Variants in HAVCR2 observed in about 807,000 individuals in gnomAD.
HAVCR2 encodes T cell immunoglobulin mucin 3.
In HAVCR2, 13 loss-of-function variants were observed where a neutral mutation model predicts 24.7. The observed-to-expected ratio is 0.53, with a 90% CI of 0.34 to 0.84. The LOEUF is 0.84. HAVCR2 is among the 40% of genes least tolerant of loss of function. The pLI, the probability that HAVCR2 is intolerant of heterozygous loss-of-function variation, is 0.01. For missense variants in HAVCR2, 343 were observed against 371.2 expected (o/e 0.92, Z 0.62); for synonymous variants, 154 against 143.4 (o/e 1.07, Z -0.53).
intron 3 of HAVCR2, among the ~76,000 whole-genome samples, chr5:157,101,805 G>A (rs1012957577): frequency 1.4e-5 from 2 of 143,288 alleles, no homozygotes; most frequent in East Asian, 2.0e-4. Context: ...AAAGGGTCTC[G>A]CTCTGTTGCC....
At chr5:157,091,213 G>A (rs1481918056) in intron 5 of HAVCR2, among the ~76,000 whole-genome samples, 1 of 152,234 alleles carries the variant, frequency 6.6e-6, no homozygotes, top group South Asian at 2.1e-4. Context: ...GGGAGGCCAA[G>A]GCGGGCAGAT....
chr5:157,108,687 CT>C (rs898728781), intron 1 of HAVCR2, among the ~76,000 whole-genome samples: 6 of 152,286 alleles, frequency 3.9e-5, no homozygotes, highest in East Asian at 1.9e-4. Flanking sequence ...TATTCTGCAA[CT>C]TTTTTTCTTT....
intron 3 of HAVCR2, among the ~76,000 whole-genome samples, chr5:157,104,441 C>A (rs557076271): frequency 2.0e-4 from 30 of 152,266 alleles, no homozygotes; most frequent in African/African-American, 7.0e-4. Flanking sequence ...AGTTTATTAA[C>A]TTTTTTCCAG....
chr5:157,106,539 G>C lies in HAVCR2; in HGVS notation c.394+88C>G. On this transcript the variant is annotated intron_variant, in intron 2 of 6. Transcript: ENST00000307851. ...GGCCCTCCTCCAGGGCTATAATTAG[G>C]GAAGTCAGAGATGAGAACAATCAGT... 2.7e-6 allele frequency: 3 copies of C among 1,128,382 alleles called. No individual in the cohort carries two copies. The South Asian group carries it at 4.3e-5, about 16-fold the overall frequency. The allele number at this position is 1,128,382 out of a possible 1,614,324, so 69.9% of individuals were successfully genotyped here. A position where few individuals can be genotyped will look rare whatever the true frequency, so the allele number is the denominator to read the frequency against.
chr5:157,090,005 T>C (rs537840940), intron 5 of HAVCR2, among the ~76,000 whole-genome samples: 1 of 152,208 alleles, frequency 6.6e-6, no homozygotes, highest in African/African-American at 2.4e-5. Flanking sequence ...TTCTGTGTTG[T>C]GGGTCAGGAA....
At chr5:157,095,780 A>G (rs1388982396) in intron 4 of HAVCR2, among the ~76,000 whole-genome samples, 2 of 151,620 alleles carry the variant, frequency 1.3e-5, no homozygotes, top group South Asian at 2.1e-4. Flanking sequence ...TTGGCTTTAG[A>G]GTGGAGTCTT....
chr5:157,098,508 A>G (rs1048249600), intron 4 of HAVCR2, among the ~76,000 whole-genome samples: 6 of 152,206 alleles, frequency 3.9e-5, no homozygotes, highest in Non-Finnish European at 7.3e-5. Flanking sequence ...TAGGATTGCA[A>G]TGGAAGCAAG....
intron 5 of HAVCR2, among the ~76,000 whole-genome samples, chr5:157,089,664 G>A (rs879690789): frequency 3.3e-5 from 5 of 152,156 alleles, no homozygotes; most frequent in Admixed American, 3.3e-4. Context: ...GTCAGGGAAG[G>A]ACCCTCAGAG....
rs765451458 is a variant in HAVCR2 at position 157,095,436 on chromosome 5, C to G, written c.546G>C (p.Glu182Asp). 1 of 1,613,956 alleles carries G rather than the reference C, an allele frequency of 6.2e-7. No individual in the cohort carries two copies. Among genetic ancestry groups the G allele is most frequent in the Non-Finnish European group, 8.5e-7 (1 of 1,179,882 alleles). The change falls in exon 5 of 7, where the codon GAG (glutamate) becomes GAC (aspartate). Residue 182 changes from glutamate to aspartate, a missense_variant. Coordinates refer to ENST00000307851, the MANE Select transcript of HAVCR2 (RefSeq NM_032782.5). ...CATTGGCCAATCTAGAGTCCCGTAA[C>G]TCATTGGCCAATGTGGATATTTGCT... is the stretch of plus-strand genomic sequence containing the variant. ...NLTQISTLAN[E>D]LRDSRLANDL... is the part of the protein sequence containing the mutation.
chr5:157,102,266 GT>G, intron 3 of HAVCR2, among the ~76,000 whole-genome samples: 1 of 151,800 alleles, frequency 6.6e-6, no homozygotes, highest in East Asian at 1.9e-4. Context: ...TAGAGATGGG[GT>G]TTTGCCATGT....
At chr5:157,107,829 T>TA (rs1757273524) in intron 1 of HAVCR2, among the ~76,000 whole-genome samples, 1 of 151,370 alleles carries the variant, frequency 6.6e-6, no homozygotes, top group South Asian at 2.1e-4. Context: ...TTATCTAATG[T>TA]AAAATGCAGA....
intron 3 of HAVCR2, among the ~76,000 whole-genome samples, chr5:157,102,911 G>A (rs1235051713): frequency 1.4e-5 from 2 of 141,530 alleles, no homozygotes; most frequent in East Asian, 4.4e-4. Flanking sequence ...CTCCAGCCTG[G>A]GTGAGAGAGT....
chr5:157,092,533 G>A (rs1380719817), intron 5 of HAVCR2, among the ~76,000 whole-genome samples: 1 of 151,758 alleles, frequency 6.6e-6, no homozygotes, highest in Admixed American at 6.6e-5. Context: ...TGCAACCTCC[G>A]CCTCCTGGGC....
At chr5:157,092,272 G>T (rs1391272610) in intron 5 of HAVCR2, among the ~76,000 whole-genome samples, 1 of 151,500 alleles carries the variant, frequency 6.6e-6, no homozygotes, top group East Asian at 1.9e-4. Flanking sequence ...TGTTATCAGT[G>T]CTCCTTAACA....
intron 3 of HAVCR2, among the ~76,000 whole-genome samples, chr5:157,099,834 T>C (rs1474855746): frequency 1.3e-5 from 2 of 152,204 alleles, no homozygotes; most frequent in African/African-American, 4.8e-5. Flanking sequence ...TAGCTGGGAC[T>C]ACAGGGGCAC....
intron 4 of HAVCR2, among the ~76,000 whole-genome samples, chr5:157,095,951 C>T (rs187153020): frequency 2.0e-5 from 3 of 152,088 alleles, no homozygotes; most frequent in Non-Finnish European, 4.4e-5. Flanking sequence ...TGAGGCCGGG[C>T]GCGGTGGCTA....
At chr5:157,091,125 A>G (rs1262445502) in intron 5 of HAVCR2, among the ~76,000 whole-genome samples, 1 of 152,220 alleles carries the variant, frequency 6.6e-6, no homozygotes, top group Non-Finnish European at 1.5e-5. Context: ...ATGAGTGATC[A>G]ATTTAAAAGG....
intron 1 of HAVCR2, among the ~76,000 whole-genome samples, 185 bp downstream of exon 1, chr5:157,108,741 G>C (rs905290736): frequency 6.6e-6 from 1 of 151,974 alleles, no homozygotes; most frequent in African/African-American, 2.4e-5. Context: ...AGTATGTTTT[G>C]TCAGACTCAC....
At position 157,103,365 on chromosome 5, in the gene HAVCR2, C is replaced by T. The variant is rs199793017; in HGVS notation, c.478+1301G>A. Among the ~76,000 whole-genome samples, 10 of 95,712 alleles carry T rather than the reference C, an allele frequency of 1.0e-4. No homozygotes were observed. In the East Asian group the frequency reaches 2.7e-3, roughly 26 times the overall value. 62.8% of individuals were successfully genotyped at this position (95,712 alleles called of 152,430 possible). A position where few individuals can be genotyped will look rare whatever the true frequency, so the allele number is the denominator to read the frequency against. ...TAGTCTGGGTGACAGAGCAAGACTC[C>T]GTCTCAATTAAAAAAAAAAAAAAAA... On this transcript the variant is annotated intron_variant, in intron 3 of 6. Coordinates refer to ENST00000307851, the MANE Select transcript of HAVCR2 (RefSeq NM_032782.5).
Sources: gnomAD v4.1 joint callset for allele counts (sites outside exome capture counted in the v4.1 genomes callset) on GRCh38, gnomAD v4.1.1 for gene constraint, MANE v1.5 for transcripts, NCBI Gene and HGNC (gene_info 2026-07-23, HGNC 2026-07-21) for gene names.